Variants in PCDH9 observed in about 807,000 individuals in gnomAD.
PCDH9 encodes the protein protocadherin-9.
In PCDH9, 24 loss-of-function variants were observed where a neutral mutation model predicts 70.6. The ratio of observed to expected loss-of-function variants is 0.34; its 90% CI spans 0.25 to 0.48. PCDH9 has a LOEUF of 0.48. PCDH9 is among the 20% of genes least tolerant of loss of function. The probability of loss-of-function intolerance (pLI) is 0.99; values close to 1 mark genes in which losing one functional copy is unlikely to be tolerated. For synonymous variants in PCDH9, 562 were observed against 558.5 expected, an observed-to-expected ratio of 1.01 and a Z score of -0.09; for missense variants, 1,281 against 1,503.6, an observed-to-expected ratio of 0.85 and a Z score of 2.45.
intron 4 of PCDH9, among the ~76,000 whole-genome samples, chr13:66,448,704 G>C (rs1034055850): frequency 1.3e-5 from 2 of 152,162 alleles, no homozygotes; most frequent in African/African-American, 2.4e-5. Context: ...GTAATGAAAG[G>C]AAAATACTTG....
intron 4 of PCDH9, among the ~76,000 whole-genome samples, chr13:66,612,761 A>T (rs2077308454): frequency 6.6e-6 from 1 of 151,750 alleles, no homozygotes; most frequent in Admixed American, 6.6e-5. Flanking sequence ...GGAATCTAGG[A>T]TTTGAATGGC....
At chr13:66,515,884 T>C (rs1439555736) in intron 4 of PCDH9, among the ~76,000 whole-genome samples, 3 of 152,022 alleles carry the variant, frequency 2.0e-5, no homozygotes, top group Non-Finnish European at 4.4e-5. Context: ...CACAAGTTTT[T>C]TGAGAATATG....
chr13:66,640,693 C>T (rs1211546216), intron 3 of PCDH9, among the ~76,000 whole-genome samples: 2 of 152,056 alleles, frequency 1.3e-5, no homozygotes, highest in Non-Finnish European at 2.9e-5. Context: ...GAGAATGAAA[C>T]ACAAATAGAG....
intron 3 of PCDH9, among the ~76,000 whole-genome samples, chr13:66,691,026 TTTTA>T (rs1301926369): frequency 6.6e-6 from 1 of 152,072 alleles, no homozygotes; most frequent in Non-Finnish European, 1.5e-5. Context: ...ATTTTGTAAA[TTTTA>T]TTTATTTATT....
intron 3 of PCDH9, among the ~76,000 whole-genome samples, chr13:66,756,524 G>T (rs1457929393): frequency 7.8e-6 from 1 of 128,510 alleles, no homozygotes; most frequent in Admixed American, 7.4e-5. Flanking sequence ...GATAATCTTT[G>T]CAGTGAGGTC....
chr13:67,079,797 C>T (rs374280656), intron 2 of PCDH9, among the ~76,000 whole-genome samples: 278 of 152,248 alleles, frequency 1.8e-3, no homozygotes, highest in Middle Eastern at 0.017. Flanking sequence ...TCTCTGAAGG[C>T]TGTCACCTAT....
chr13:67,116,589 C>G (rs1484293538), intron 2 of PCDH9, among the ~76,000 whole-genome samples: 1 of 152,128 alleles, frequency 6.6e-6, no homozygotes, highest in Non-Finnish European at 1.5e-5. Context: ...GAAGCTTATT[C>G]AAGCTACCTA....
At chr13:67,006,181 C>T (rs2084350212) in intron 2 of PCDH9, among the ~76,000 whole-genome samples, 1 of 152,122 alleles carries the variant, frequency 6.6e-6, no homozygotes, top group African/African-American at 2.4e-5. Flanking sequence ...GAGCGGAGAT[C>T]GTGCCACTGC....
chr13:67,029,023 C>G (rs1194596213), intron 2 of PCDH9, among the ~76,000 whole-genome samples: 1 of 151,954 alleles, frequency 6.6e-6, no homozygotes. Context: ...AATGTATTTC[C>G]CTAACTTTAT....
Position 66,631,383 on chromosome 13 carries a change from G to A in PCDH9, c.3167C>T (p.Pro1056Leu), listed in dbSNP as rs1376233100. The change falls in exon 4 of 5, where the codon CCT (proline) becomes CTT (leucine). Residue 1056 changes from proline to leucine, a missense_variant. Pro to Leu is a moderately conservative substitution (Grantham distance 98). Around this residue, in one of 4 missense-constraint regions of PCDH9, gnomAD observed 264 missense variants for 278.8 expected, o/e 0.95. Transcript: ENST00000377865. ...ACTGCAGCTTTCCTGGGAGCCATCA[G>A]GGAGATGAAACGTAACACGGCGCTG... Reference protein sequence around the residue: ...ESQRRVTFHLPDGSQESCSDS... With the variant: ...ESQRRVTFHLLDGSQESCSDS... The A allele has an allele frequency of 6.2e-7, 1 of 1,611,802 alleles. No homozygotes were observed. The highest frequency in any genetic ancestry group is 1.7e-5 in the Admixed American group (1 of 60,000).
intron 2 of PCDH9, among the ~76,000 whole-genome samples, chr13:66,933,013 T>A (rs376356027): frequency 1.3e-4 from 20 of 151,840 alleles, no homozygotes; most frequent in East Asian, 5.8e-4. Context: ...CTTTCAGCTG[T>A]TTAAGGTCCA....
chr13:67,143,457 A>G (rs1325151022), intron 2 of PCDH9, among the ~76,000 whole-genome samples: 1 of 152,238 alleles, frequency 6.6e-6, no homozygotes, highest in East Asian at 1.9e-4. Context: ...AGATGAGCAT[A>G]AGATCACATG....
chr13:66,933,638 T>C (rs1308576465), intron 2 of PCDH9, among the ~76,000 whole-genome samples: 1 of 152,178 alleles, frequency 6.6e-6, no homozygotes, highest in Non-Finnish European at 1.5e-5. Context: ...TTTTTAGTTG[T>C]TCCTTTTTCT....
At chr13:66,892,198 TTA>T (rs770670032) in intron 3 of PCDH9, among the ~76,000 whole-genome samples, 1 of 149,122 alleles carries the variant, frequency 6.7e-6, no homozygotes, top group African/African-American at 2.5e-5. Flanking sequence ...TATATATGTG[TTA>T]TGTGTGTGTA....
intron 3 of PCDH9, among the ~76,000 whole-genome samples, chr13:66,672,703 A>G (rs2078192883): frequency 6.6e-6 from 1 of 152,232 alleles, no homozygotes; most frequent in Non-Finnish European, 1.5e-5. Flanking sequence ...GCCCAAGACC[A>G]TGGGAACCCA....
Position 66,964,995 on chromosome 13 carries a change from C to T in PCDH9, c.3037-61390G>A, listed in dbSNP as rs1422980865. 7.3e-5 allele frequency among the ~76,000 whole-genome samples: 11 copies of T among 151,668 alleles called. No homozygotes were observed. The East Asian group carries it at 1.5e-3, about 21-fold the overall frequency. On this transcript the variant is annotated intron_variant, in intron 2 of 4. Coordinates refer to ENST00000377865, the MANE Select transcript of PCDH9 (RefSeq NM_203487.3). ...TAATTAGAGTCAGCAAGTTTTTGCA[C>T]ATTTTGGAGAAAAAATTTTAAACAT... is the stretch of plus-strand genomic sequence containing the variant.
chr13:66,516,734 C>G (rs1204986345), intron 4 of PCDH9, among the ~76,000 whole-genome samples: 2 of 151,934 alleles, frequency 1.3e-5, no homozygotes, highest in Non-Finnish European at 2.9e-5. Flanking sequence ...CTCTCTCTCC[C>G]TCACTCTCTC....
chr13:66,825,845 G>A (rs1001037541), intron 3 of PCDH9, among the ~76,000 whole-genome samples: 25 of 151,980 alleles, frequency 1.6e-4, no homozygotes, highest in South Asian at 6.2e-4. Flanking sequence ...AAATGGTGCC[G>A]AAATAACTCA....
At chr13:67,215,129 A>G (rs1270603051) in intron 2 of PCDH9, 3 of 151,158 alleles carry the variant, frequency 2.0e-5, no homozygotes, top group Admixed American at 6.6e-5. Flanking sequence ...CCAAATATCA[A>G]ATTAGTTCTC....
Sources: gnomAD v4.1 joint callset for allele counts (sites outside exome capture counted in the v4.1 genomes callset) on GRCh38, gnomAD v4.1.1 for gene constraint, gnomAD v4.1.1 regional missense constraint, MANE v1.5 for transcripts, NCBI Gene and HGNC (gene_info 2026-07-23, HGNC 2026-07-21) for gene names.